Variants in BICC1 observed in about 807,000 individuals in gnomAD.
The protein encoded by BICC1 is protein bicaudal C homolog 1.
BICC1 carries 43 observed loss-of-function variants against 111.0 expected under a neutral mutation model. The observed-to-expected ratio is 0.39, with a 90% confidence interval of 0.30 to 0.50. BICC1 has a LOEUF of 0.50. Among genes scored for constraint, BICC1 ranks in the 20% least tolerant of loss-of-function variants. The pLI, the probability that BICC1 is intolerant of heterozygous loss-of-function variation, is 0.88. For synonymous variants in BICC1, 467 were observed against 434.4 expected (o/e 1.07, Z -0.93); for missense variants, 1,091 against 1,203.2 (o/e 0.91, Z 1.38).
chr10:58,551,964 T>G (rs991016), intron 1 of BICC1, among the ~76,000 whole-genome samples: 67,812 of 151,380 alleles, frequency 0.45, 16,167 homozygotes, highest in Admixed American at 0.6. Context: ...AAGTTTTTTT[T>G]GGGGGGGGAT....
intron 2 of BICC1, among the ~76,000 whole-genome samples, chr10:58,694,261 G>A (rs960628283): frequency 1.1e-4 from 17 of 152,240 alleles, no homozygotes; most frequent in African/African-American, 3.9e-4. Context: ...ATGCCACGTG[G>A]TTTTATGACT....
intron 1 of BICC1, among the ~76,000 whole-genome samples, chr10:58,601,168 A>ATATATATATATATATATATATATC (rs1182289120): frequency 7.2e-5 from 10 of 139,346 alleles, no homozygotes; most frequent in Non-Finnish European, 1.4e-4. Flanking sequence ...ATATATATAT[A>ATATATATATATATATATATATATC]TATCTCCCAA....
chr10:58,704,327 C>T (rs1167934037), intron 3 of BICC1, among the ~76,000 whole-genome samples: 1 of 152,092 alleles, frequency 6.6e-6, no homozygotes, highest in East Asian at 1.9e-4. Context: ...TTAAAGAGAA[C>T]ATGGAAGGGA....
chr10:58,566,516 A>G (rs1843770035), intron 1 of BICC1, among the ~76,000 whole-genome samples: 1 of 152,126 alleles, frequency 6.6e-6, no homozygotes, highest in Admixed American at 6.6e-5. Flanking sequence ...CTGGGTACAT[A>G]CCCAATAGTA....
chr10:58,731,113 G>T (rs1263163347), intron 3 of BICC1, among the ~76,000 whole-genome samples: 1 of 152,064 alleles, frequency 6.6e-6, no homozygotes, highest in East Asian at 1.9e-4. Flanking sequence ...TGAATGTTTT[G>T]CTGCTTAGAA....
intron 14 of BICC1, 116 bp from the exon 15 acceptor site, chr10:58,802,961 G>T (rs559416153): frequency 4.0e-6 from 4 of 1,005,852 alleles, no homozygotes; most frequent in South Asian, 5.1e-5. Context: ...TTAAATGAGA[G>T]ACTACGTGTA....
rs138482661 is a variant in BICC1, at chr10:58,744,315, A to G, written c.308-40686A>G. 2.5e-3 allele frequency among the ~76,000 whole-genome samples: 386 copies of G among 152,208 alleles called. 3 individuals are homozygous for G. The highest frequency in any genetic ancestry group is 8.8e-3 in the African/African-American group (364 of 41,570). On this transcript the variant is annotated intron_variant, in intron 3 of 20. Transcript: ENST00000373886. ...AATGCCTGTTTTGTAGTGTAGTTAA[A>G]AAGCTCTCTCAGTGTTTTGGCATAT...
intron 2 of BICC1, among the ~76,000 whole-genome samples, chr10:58,621,164 G>C (rs549583468): frequency 6.6e-6 from 1 of 152,192 alleles, no homozygotes; most frequent in African/African-American, 2.4e-5. Context: ...GCTCAGAGGT[G>C]GATCAATTCA....
intron 2 of BICC1, among the ~76,000 whole-genome samples, chr10:58,623,820 C>A (rs1410424451): frequency 2.0e-5 from 3 of 152,100 alleles, no homozygotes; most frequent in South Asian, 4.2e-4. Flanking sequence ...CCTGTCACTT[C>A]CTCTCACACT....
intron 2 of BICC1, among the ~76,000 whole-genome samples, chr10:58,680,107 C>T (rs1259976401): frequency 2.0e-5 from 3 of 152,106 alleles, no homozygotes; most frequent in Non-Finnish European, 4.4e-5. Context: ...CAAAGTATTC[C>T]CTTTGAAAAC....
intron 2 of BICC1, among the ~76,000 whole-genome samples, chr10:58,680,889 C>T (rs951356529): frequency 1.3e-5 from 2 of 152,226 alleles, no homozygotes; most frequent in African/African-American, 4.8e-5. Flanking sequence ...ACCATCTGAT[C>T]TTTGACAAAC....
intron 1 of BICC1, among the ~76,000 whole-genome samples, chr10:58,566,145 A>G (rs974076599): frequency 3.2e-5 from 4 of 126,826 alleles, no homozygotes; most frequent in African/African-American, 1.1e-4. Flanking sequence ...TACTAATTCA[A>G]TGATGTGTGT....
chr10:58,732,393 A>G (rs1190201615), intron 3 of BICC1, among the ~76,000 whole-genome samples: 2 of 444 alleles, frequency 4.5e-3, no homozygotes, highest in African/African-American at 8.7e-3. Context: ...ATATATATAT[A>G]TATATATATA....
chr10:58,784,344 G>T (rs1842953832), intron 3 of BICC1, among the ~76,000 whole-genome samples: 1 of 152,052 alleles, frequency 6.6e-6, no homozygotes, highest in Non-Finnish European at 1.5e-5. Context: ...AAGTTTAATG[G>T]CAGTAATAAA....
intron 4 of BICC1, among the ~76,000 whole-genome samples, chr10:58,786,391 G>C (rs542960229): frequency 6.6e-6 from 1 of 152,248 alleles, no homozygotes; most frequent in East Asian, 1.9e-4. Flanking sequence ...CTACCAGCAA[G>C]AGTAATAGAT....
intron 17 of BICC1, among the ~76,000 whole-genome samples, chr10:58,813,326 G>T (rs868474168): frequency 1.2e-4 from 18 of 152,258 alleles, no homozygotes; most frequent in African/African-American, 4.3e-4. Flanking sequence ...TAGAGAGATT[G>T]TATCCTTGTT....
Position 58,807,195 on chromosome 10 carries a change from G to A in BICC1, c.2376+37G>A, listed in dbSNP as rs147076114. The A allele has an allele frequency of 1.4e-3, 2,183 of 1,578,520 alleles. 12 individuals are homozygous for A. In the African/African-American group the frequency reaches 0.016, roughly 11 times the overall value. On this transcript the variant is annotated intron_variant, in intron 17 of 20. Coordinates refer to ENST00000373886, the MANE Select transcript of BICC1 (RefSeq NM_001080512.3). ...CATGTCCTACTCATTCTTCCTGTCTGTTCTTTCAGCAAAAGAGGACAGTCC... is the reference window on the plus strand; with the variant it reads ...CATGTCCTACTCATTCTTCCTGTCTATTCTTTCAGCAAAAGAGGACAGTCC...
chr10:58,711,235 A>C (rs1840561995), intron 3 of BICC1, among the ~76,000 whole-genome samples: 1 of 152,236 alleles, frequency 6.6e-6, no homozygotes, highest in African/African-American at 2.4e-5. Flanking sequence ...AAATTCACCC[A>C]AAGAGTTGAA....
At chr10:58,585,879 G>T (rs1187698955) in intron 1 of BICC1, among the ~76,000 whole-genome samples, 1 of 152,152 alleles carries the variant, frequency 6.6e-6, no homozygotes, top group African/African-American at 2.4e-5. Flanking sequence ...GGTAGATTGT[G>T]GTTGTATGTT....
Sources: gnomAD v4.1 joint callset for allele counts (sites outside exome capture counted in the v4.1 genomes callset) on GRCh38, gnomAD v4.1.1 for gene constraint, MANE v1.5 for transcripts, NCBI Gene and HGNC (gene_info 2026-07-23, HGNC 2026-07-21) for gene names.